CYP2J2: variants seen among roughly 807,000 people sequenced by gnomAD.
The protein encoded by CYP2J2 is cytochrome P450 2J2.
Under a neutral mutation model 48.8 loss-of-function variants are expected in CYP2J2, and 41 were observed. The observed-to-expected ratio is 0.84, with a 90% CI of 0.66 to 1.09. The LOEUF (loss-of-function observed/expected upper bound fraction) is 1.09. Among genes scored for constraint, CYP2J2 ranks in the 50% least tolerant of loss-of-function variants. The pLI, the probability that CYP2J2 is intolerant of heterozygous loss-of-function variation, is 0.00. For synonymous variants in CYP2J2, 221 were observed against 227.1 expected (o/e 0.97, Z 0.24); for missense variants, 644 against 617.3 (o/e 1.04, Z -0.46).
chr1:59,959,513 T>C, the CYP2J2 span, among the ~76,000 whole-genome samples: 1 of 151,984 alleles, frequency 6.6e-6, no homozygotes, highest in Non-Finnish European at 1.5e-5. Flanking sequence ...CCAGCCCAAA[T>C]GCCCATCAAT....
chr1:59,923,608 TAAA>T (rs553202613), intron 1 of CYP2J2, among the ~76,000 whole-genome samples: 1 of 151,870 alleles, frequency 6.6e-6, no homozygotes, highest in Non-Finnish European at 1.5e-5. Flanking sequence ...AAATAAAAGA[TAAA>T]GAAGAACCAA....
chr1:59,947,711 A>G, the CYP2J2 span, among the ~76,000 whole-genome samples: 225 of 152,264 alleles, frequency 1.5e-3, no homozygotes, highest in African/African-American at 5.2e-3. Flanking sequence ...TTCCTGAGAA[A>G]GCACAGCATT....
At chr1:59,954,525 G>A in the CYP2J2 span, among the ~76,000 whole-genome samples, 1 of 142,468 alleles carries the variant, frequency 7.0e-6, no homozygotes, top group East Asian at 2.1e-4. Context: ...TTTTGAAGGG[G>A]AGAAATCATC....
the CYP2J2 span, among the ~76,000 whole-genome samples, chr1:59,936,059 G>T: frequency 6.6e-6 from 1 of 152,138 alleles, no homozygotes; most frequent in South Asian, 2.1e-4. Context: ...GAGCCACTGC[G>T]TCTGGCCCAG....
the CYP2J2 span, among the ~76,000 whole-genome samples, chr1:59,958,578 C>T: frequency 6.6e-6 from 1 of 152,156 alleles, no homozygotes; most frequent in African/African-American, 2.4e-5. Context: ...CCCTCCACTC[C>T]AGAGTGCTGC....
the CYP2J2 span, among the ~76,000 whole-genome samples, chr1:59,968,917 G>A: frequency 6.6e-6 from 1 of 152,186 alleles, no homozygotes; most frequent in Non-Finnish European, 1.5e-5. Context: ...TCCTTCTGAT[G>A]TTCGGATATG....
chr1:59,944,695 G>A, the CYP2J2 span, among the ~76,000 whole-genome samples: 1 of 152,134 alleles, frequency 6.6e-6, no homozygotes, highest in African/African-American at 2.4e-5. Flanking sequence ...AGAGCTTGTG[G>A]TTATTTGCCA....
chr1:59,898,709 T>C (rs1338899189), intron 8 of CYP2J2, among the ~76,000 whole-genome samples: 1 of 152,206 alleles, frequency 6.6e-6, no homozygotes, highest in African/African-American at 2.4e-5. Context: ...GTTCTGCAAA[T>C]TCCTTGAGCA....
At position 59,912,283 on chromosome 1, in the gene CYP2J2, C is replaced by G; in HGVS notation, c.402G>C (p.Trp134Cys). The change falls in exon 3 of 9, where the codon TGG becomes TGC. Residue 134 changes from tryptophan (W) to cysteine (C), a missense_variant. Transcript: ENST00000371204. ...TCAGAGTGAACCTTCTTTGCTCCTT[C>G]CATGCCTGGCCACTTGACATAATCA... is the stretch of plus-strand genomic sequence containing the variant. ...NGLIMSSGQA[W>C]KEQRRFTLTA... 1 of 1,613,638 alleles carries G rather than the reference C, an allele frequency of 6.2e-7. No homozygotes were observed. The highest frequency in any genetic ancestry group is 1.3e-5 in the African/African-American group (1 of 75,010).
In CYP2J2 at chr1:59,911,635, T is replaced by C. The variant is rs1216143898; in HGVS notation, c.657A>G (p.Thr219=). The C allele has an allele frequency of 1.9e-6, 3 of 1,612,592 alleles. No homozygotes were observed. Among genetic ancestry groups the C allele is most frequent in the Non-Finnish European group, 2.5e-6 (3 of 1,179,204 alleles). ...GGCATGTCTTTGAAGCCTCCAAGTATGTGACTTCATCTAGTAACTTCAGCA... is the reference window on the plus strand; with the variant it reads ...GGCATGTCTTTGAAGCCTCCAAGTACGTGACTTCATCTAGTAACTTCAGCA... ...QQLLKLLDEV[T]YLEASKTCQL... The change falls in exon 4 of 9, where the codon ACA becomes ACG. Residue 219 remains threonine (T), a synonymous_variant. Coordinates refer to ENST00000371204, the MANE Select transcript of CYP2J2 (RefSeq NM_000775.4).
intron 1 of CYP2J2, among the ~76,000 whole-genome samples, chr1:59,921,436 T>C (rs1022018762): frequency 3.3e-5 from 5 of 151,304 alleles, no homozygotes; most frequent in Middle Eastern, 3.2e-3. Flanking sequence ...GTCAGGGAGG[T>C]TTCACATCAC....
intron 1 of CYP2J2, among the ~76,000 whole-genome samples, chr1:59,923,584 A>G (rs925486161): frequency 4.6e-5 from 7 of 152,216 alleles, no homozygotes; most frequent in Non-Finnish European, 7.3e-5. Context: ...AAAAATTAGG[A>G]CATTTTAACA....
chr1:59,953,502 GTA>G, the CYP2J2 span, among the ~76,000 whole-genome samples: 43 of 143,280 alleles, frequency 3.0e-4, no homozygotes, highest in African/African-American at 1.2e-3. Flanking sequence ...ACACCAGTGT[GTA>G]TATGTGTGTG....
Position 59,909,914 on chromosome 1 carries a change from T to C in CYP2J2, c.731A>G (p.His244Arg). The change falls in exon 5 of 9, where the codon CAC becomes CGC. Residue 244 changes from histidine (H) to arginine (R), a missense_variant. Transcript: ENST00000371204. ...PWIMKFLPGP[H>R]QTLFSNWKKL... Reference sequence around the variant, plus strand: ...TTTCCAGTTGCTGAAGAGAGTTTGGTGGGGTCCAGGCAGGAATTTCATTAT... The same window carrying C: ...TTTCCAGTTGCTGAAGAGAGTTTGGCGGGGTCCAGGCAGGAATTTCATTAT... 1 of 1,611,816 alleles carries C rather than the reference T, an allele frequency of 6.2e-7. No individual in the cohort carries two copies. The highest frequency in any genetic ancestry group is 8.5e-7 in the Non-Finnish European group (1 of 1,179,114).
chr1:59,957,269 A>AGC, the CYP2J2 span, among the ~76,000 whole-genome samples: 1 of 152,116 alleles, frequency 6.6e-6, no homozygotes, highest in Non-Finnish European at 1.5e-5. Context: ...GGGAAATGGC[A>AGC]GCAAAAAGAA....
At chr1:59,941,731 T>C in the CYP2J2 span, among the ~76,000 whole-genome samples, 1 of 152,156 alleles carries the variant, frequency 6.6e-6, no homozygotes, top group Admixed American at 6.5e-5. Context: ...GGTGTCTTAG[T>C]TTTTAATAAA....
chr1:59,901,962 T>C (rs1644323674), intron 7 of CYP2J2, among the ~76,000 whole-genome samples: 1 of 152,150 alleles, frequency 6.6e-6, no homozygotes, highest in Non-Finnish European at 1.5e-5. Context: ...TAGTTACCCA[T>C]TGCTCTCAGG....
In CYP2J2 at chr1:59,912,310, T is replaced by A; in HGVS notation, c.375A>T (p.Gly125=). Residue 125 remains glycine (G), a splice_region_variant and synonymous_variant, in exon 3 of 9, where the codon GGA becomes GGT. Transcript: ENST00000371204. Reference sequence around the variant, plus strand: ...ATGCCTGGCCACTTGACATAATCAATCCTGGGAAAAAGAAAGTCAACATTA... The same window carrying A: ...ATGCCTGGCCACTTGACATAATCAAACCTGGGAAAAAGAAAGTCAACATTA... ...PMREHIFKKN[G]LIMSSGQAWK... 4.3e-6 allele frequency: 7 copies of A among 1,609,702 alleles called. No individual in the cohort carries two copies. The highest frequency in any genetic ancestry group is 5.9e-6 in the Non-Finnish European group (7 of 1,178,556).
At chr1:59,966,312 T>G in the CYP2J2 span, among the ~76,000 whole-genome samples, 1 of 152,206 alleles carries the variant, frequency 6.6e-6, no homozygotes, top group Non-Finnish European at 1.5e-5. Flanking sequence ...ATTCTCTACT[T>G]ATATCCTTTC....
Sources: allele counts gnomAD v4.1 joint callset (sites outside exome capture counted in the v4.1 genomes callset), GRCh38; gene constraint gnomAD v4.1.1; transcripts MANE v1.5; gene names NCBI Gene and HGNC (gene_info 2026-07-23, HGNC 2026-07-21).